The following GRID1 variants were observed in gnomAD, a reference collection of about 807,000 sequenced individuals.
GRID1 encodes the protein glutamate receptor ionotropic, delta-1.
Under a neutral mutation model 98.0 loss-of-function variants are expected in GRID1, and 28 were observed. The ratio of observed to expected loss-of-function variants is 0.29; its 90% CI spans 0.21 to 0.39. GRID1 has a LOEUF of 0.39. Ranked by LOEUF, GRID1 falls within the 10% of genes least tolerant of loss-of-function variation. The probability of loss-of-function intolerance (pLI) is 1.00; values close to 1 mark genes in which losing one functional copy is unlikely to be tolerated. For synonymous variants in GRID1, 553 were observed against 538.5 expected (o/e 1.03, Z -0.37); for missense variants, 1,111 against 1,340.5 (o/e 0.83, Z 2.67).
intron 12 of GRID1, among the ~76,000 whole-genome samples, chr10:85,718,663 A>T (rs1253132413): frequency 6.6e-6 from 1 of 152,200 alleles, no homozygotes; most frequent in East Asian, 1.9e-4. Flanking sequence ...TTTGGGACAC[A>T]GGGCACAAAG....
At chr10:85,610,019 G>A (rs1208941368) in intron 15 of GRID1, among the ~76,000 whole-genome samples, 3 of 152,168 alleles carry the variant, frequency 2.0e-5, no homozygotes. Flanking sequence ...CTTCAAGTAA[G>A]TGTCTAAACT....
intron 2 of GRID1, among the ~76,000 whole-genome samples, chr10:86,285,574 C>T (rs1336046552): frequency 6.6e-6 from 1 of 152,230 alleles, no homozygotes; most frequent in Non-Finnish European, 1.5e-5. Context: ...TGCCCACCAC[C>T]TGGCCTGCAG....
At chr10:86,204,258 A>C in intron 3 of GRID1, among the ~76,000 whole-genome samples, 1 of 150,612 alleles carries the variant, frequency 6.6e-6, no homozygotes. Flanking sequence ...TGGCTTGAAA[A>C]CTCCATGTCC....
At chr10:85,867,096 T>C (rs1359725753) in intron 6 of GRID1, among the ~76,000 whole-genome samples, 2 of 152,098 alleles carry the variant, frequency 1.3e-5, no homozygotes, top group African/African-American at 4.8e-5. Flanking sequence ...TCTCTTTCTC[T>C]CTCCTCCAGT....
At chr10:85,893,129 CA>C (rs1187228327) in intron 5 of GRID1, among the ~76,000 whole-genome samples, 1 of 151,968 alleles carries the variant, frequency 6.6e-6, no homozygotes, top group Non-Finnish European at 1.5e-5. Flanking sequence ...ATAAAAAAGA[CA>C]AAACGTGATT....
At chr10:86,261,251 T>C (rs1564722222) in intron 2 of GRID1, among the ~76,000 whole-genome samples, 1 of 152,212 alleles carries the variant, frequency 6.6e-6, no homozygotes, top group Non-Finnish European at 1.5e-5. Flanking sequence ...GCTACCCCTA[T>C]CTGAGCCCAG....
intron 4 of GRID1, among the ~76,000 whole-genome samples, chr10:86,030,210 G>C (rs1294440828): frequency 6.6e-6 from 1 of 152,216 alleles, no homozygotes; most frequent in African/African-American, 2.4e-5. Flanking sequence ...TTTTATATAA[G>C]AAAGGATCTT....
At chr10:85,762,961 C>G (rs1842160754) in intron 8 of GRID1, among the ~76,000 whole-genome samples, 1 of 152,132 alleles carries the variant, frequency 6.6e-6, no homozygotes, top group African/African-American at 2.4e-5. Context: ...GTGTATAAGA[C>G]TACAAACCCC....
intron 4 of GRID1, among the ~76,000 whole-genome samples, chr10:86,075,396 G>C (rs1193656725): frequency 1.3e-5 from 2 of 150,178 alleles, no homozygotes; most frequent in Admixed American, 6.7e-5. Flanking sequence ...GGGTGATGCT[G>C]CCACAAGCCA....
intron 12 of GRID1, among the ~76,000 whole-genome samples, chr10:85,700,975 T>G (rs557442115): frequency 6.6e-6 from 1 of 152,170 alleles, no homozygotes; most frequent in African/African-American, 2.4e-5. Flanking sequence ...TGAAGATAAC[T>G]AAGAAAATAT....
intron 8 of GRID1, among the ~76,000 whole-genome samples, chr10:85,768,760 A>G (rs1842223339): frequency 6.6e-6 from 1 of 152,256 alleles, no homozygotes; most frequent in Admixed American, 6.5e-5. Flanking sequence ...GGCTATAAGG[A>G]AATTGGAACC....
intron 4 of GRID1, among the ~76,000 whole-genome samples, chr10:86,124,173 T>TTCTGGA (rs745413971): frequency 1.8e-4 from 27 of 152,166 alleles, no homozygotes; most frequent in Non-Finnish European, 2.8e-4. Flanking sequence ...GACAACACCT[T>TTCTGGA]AACCCTGGTC....
intron 2 of GRID1, among the ~76,000 whole-genome samples, chr10:86,294,539 G>A (rs555605962): frequency 6.6e-6 from 1 of 152,320 alleles, no homozygotes; most frequent in African/African-American, 2.4e-5. Flanking sequence ...CCTGGGGATG[G>A]GAAGAGGGGA....
chr10:86,053,256 TTTA>T (rs768261479), intron 4 of GRID1, among the ~76,000 whole-genome samples: 31 of 152,324 alleles, frequency 2.0e-4, no homozygotes, highest in South Asian at 4.1e-4. Flanking sequence ...ACAAAAGTTA[TTTA>T]CAAAGAAAAA....
At chr10:85,631,964 G>C (rs1308588417) in intron 13 of GRID1, among the ~76,000 whole-genome samples, 1 of 150,590 alleles carries the variant, frequency 6.6e-6, no homozygotes, top group African/African-American at 2.5e-5. Context: ...GATACTCCCT[G>C]TGTGCCATGT....
At chr10:85,872,340 ATG>A (rs1263656341) in intron 5 of GRID1, among the ~76,000 whole-genome samples, 1 of 152,270 alleles carries the variant, frequency 6.6e-6, no homozygotes, top group Admixed American at 6.5e-5. Context: ...GAGGAATTGG[ATG>A]TGTCTCATGC....
At chr10:85,656,317 T>C (rs892539200) in intron 12 of GRID1, among the ~76,000 whole-genome samples, 2 of 152,210 alleles carry the variant, frequency 1.3e-5, no homozygotes, top group African/African-American at 2.4e-5. Context: ...GACCTCCTTA[T>C]CCATTTCCTA....
rs565311523 is a variant in GRID1, at chr10:85,691,972, G to A, written c.1997+31031C>T. On this transcript the variant is annotated intron_variant, in intron 12 of 15. Coordinates refer to ENST00000327946, the MANE Select transcript of GRID1 (RefSeq NM_017551.3). The stretch of plus-strand genomic sequence containing the variant: ...GGGAGACTGTCACTGTAGCCCTCTC[G>A]ATAGTTCTACATCACACTGTGCAAT... Among the ~76,000 whole-genome samples, 15 of 152,038 alleles carry A rather than the reference G, an allele frequency of 9.9e-5. 1 individual carries two copies. In the South Asian group the frequency reaches 2.9e-3, roughly 30 times the overall value.
At chr10:85,920,771 G>A (rs533914975) in intron 4 of GRID1, among the ~76,000 whole-genome samples, 1 of 152,340 alleles carries the variant, frequency 6.6e-6, no homozygotes, top group African/African-American at 2.4e-5. Context: ...GGGGAGGGAA[G>A]GGGGGCCGGC....
Sources: gnomAD v4.1 joint callset for allele counts (sites outside exome capture counted in the v4.1 genomes callset) on GRCh38, gnomAD v4.1.1 for gene constraint, MANE v1.5 for transcripts, NCBI Gene and HGNC (gene_info 2026-07-23, HGNC 2026-07-21) for gene names.